Variants in ASRGL1 observed in about 807,000 individuals in gnomAD.
The protein encoded by ASRGL1 is asparaginase and isoaspartyl peptidase 1.
A neutral mutation model predicts 22.4 loss-of-function variants in ASRGL1; 16 were observed. The observed-to-expected ratio is 0.71, with a 90% CI of 0.48 to 1.08. ASRGL1 has a LOEUF of 1.08. Ranked by LOEUF, ASRGL1 falls within the 50% of genes least tolerant of loss-of-function variation. The pLI, the probability that ASRGL1 is intolerant of heterozygous loss-of-function variation, is 0.00. For missense variants in ASRGL1, 412 were observed against 410.1 expected (o/e 1.00, Z -0.04); for synonymous variants, 165 against 159.3 (o/e 1.04, Z -0.27).
intron 4 of ASRGL1, among the ~76,000 whole-genome samples, chr11:62,360,470 G>A (rs114796629): frequency 1.3e-3 from 203 of 151,302 alleles, no homozygotes; most frequent in African/African-American, 4.4e-3. Flanking sequence ...CAAGATTTTG[G>A]TAGAAAAAGA....
chr11:62,348,369 G>A (rs1034477034), intron 2 of ASRGL1, among the ~76,000 whole-genome samples: 3 of 152,076 alleles, frequency 2.0e-5, no homozygotes, highest in African/African-American at 4.8e-5. Context: ...AAAGGGGTGC[G>A]ACTGGCAAGG....
At chr11:62,384,593 G>T (rs2134691065) in intron 4 of ASRGL1, among the ~76,000 whole-genome samples, 1 of 151,610 alleles carries the variant, frequency 6.6e-6, no homozygotes, top group African/African-American at 2.4e-5. Flanking sequence ...TATTCTAGTT[G>T]ACTGTAATCA....
At chr11:62,359,353 G>A (rs1439400226) in intron 4 of ASRGL1, among the ~76,000 whole-genome samples, 2 of 152,084 alleles carry the variant, frequency 1.3e-5, no homozygotes, top group African/African-American at 4.8e-5. Context: ...GACTGAGGCA[G>A]GAGAATCGCT....
Position 62,373,123 on chromosome 11 carries a change from C to G in ASRGL1, c.491+15979C>G. 6.8e-6 allele frequency: 10 copies of G among 1,461,662 alleles called. No homozygotes were observed. The South Asian group carries it at 1.1e-4, about 17-fold the overall frequency. The allele number at this position is 1,461,662 out of a possible 1,614,324, so 90.5% of individuals were successfully genotyped here. A position where few individuals can be genotyped will look rare whatever the true frequency, so the allele number is the denominator to read the frequency against. ...GTGATAGCAAGAGATGAAAGTGAAA[C>G]TGAGAAAGAAAAGATCAAGAAACTG... On this transcript the variant is annotated intron_variant, in intron 4 of 6. Transcript: ENST00000415229.
intron 2 of ASRGL1, among the ~76,000 whole-genome samples, chr11:62,341,473 A>C (rs1945861505): frequency 6.6e-6 from 1 of 152,134 alleles, no homozygotes; most frequent in African/African-American, 2.4e-5. Context: ...TGCTGGGATT[A>C]CAGGTGTGAG....
chr11:62,372,720 G>T (rs1349970349), intron 4 of ASRGL1: 3 of 1,424,374 alleles, frequency 2.1e-6, no homozygotes. Context: ...GGATGAGATG[G>T]TCCCCCGCCT....
intron 4 of ASRGL1, among the ~76,000 whole-genome samples, chr11:62,383,776 T>C (rs1296499165): frequency 6.6e-6 from 1 of 150,644 alleles, no homozygotes; most frequent in Non-Finnish European, 1.5e-5. Context: ...TACAAAAAAT[T>C]AGCCAGGCTT....
chr11:62,362,843 C>CACACACACACACACACAT (rs1491198718), intron 4 of ASRGL1, among the ~76,000 whole-genome samples: 1 of 116,882 alleles, frequency 8.6e-6, no homozygotes, highest in Non-Finnish European at 1.7e-5. Context: ...CACACACACA[C>CACACACACACACACACAT]ATCCATATAA....
chr11:62,382,831 A>G, intron 4 of ASRGL1: 1 of 152,320 alleles, frequency 6.6e-6, no homozygotes, highest in Non-Finnish European at 1.5e-5. Flanking sequence ...GGGTACTTGA[A>G]ATTAGAGAAT....
intron 4 of ASRGL1, among the ~76,000 whole-genome samples, chr11:62,368,507 C>T (rs1004930405): frequency 1.3e-5 from 2 of 152,088 alleles, no homozygotes; most frequent in Admixed American, 6.5e-5. Flanking sequence ...GGTGGCCTGC[C>T]CCTCCACACC....
intron 4 of ASRGL1, among the ~76,000 whole-genome samples, chr11:62,368,929 G>A (rs998971739): frequency 6.6e-6 from 1 of 152,180 alleles, no homozygotes; most frequent in Admixed American, 6.5e-5. Flanking sequence ...TTTTACACCC[G>A]AGACATTCCA....
chr11:62,388,819 A>G (rs1290033353), intron 4 of ASRGL1, among the ~76,000 whole-genome samples: 1 of 152,106 alleles, frequency 6.6e-6, no homozygotes, highest in Non-Finnish European at 1.5e-5. Flanking sequence ...AAAGTTTGAG[A>G]AGCACTCTTA....
In ASRGL1 at chr11:62,368,842, GTA is replaced by G. The variant is rs1294146311; in HGVS notation, c.491+11700_491+11701del. Among the ~76,000 whole-genome samples the G allele has an allele frequency of 4.6e-5, 7 of 152,294 alleles. No homozygotes were observed. The East Asian group carries it at 1.4e-3, about 29-fold the overall frequency. On this transcript the variant is annotated intron_variant, in intron 4 of 6. Transcript: ENST00000415229. ...AAACATCTTGGTGCATTAAAGAGCAGTATTGCCACTAGCACATCTCAGCTCTA... is the reference window on the plus strand; with the variant it reads ...AAACATCTTGGTGCATTAAAGAGCAGTTGCCACTAGCACATCTCAGCTCTA...
chr11:62,391,093 G>A (rs1421049800), intron 5 of ASRGL1, among the ~76,000 whole-genome samples: 1 of 152,222 alleles, frequency 6.6e-6, no homozygotes, highest in East Asian at 1.9e-4. Context: ...GTGCATGGAT[G>A]TTAGGTTGTG....
intron 4 of ASRGL1, among the ~76,000 whole-genome samples, chr11:62,364,455 A>G (rs1278235460): frequency 1.3e-5 from 2 of 150,646 alleles, no homozygotes; most frequent in African/African-American, 2.5e-5. Flanking sequence ...AGAAATTAAA[A>G]ATAGAACTAC....
chr11:62,383,758 C>A (rs1299736503), intron 4 of ASRGL1, among the ~76,000 whole-genome samples: 1 of 150,960 alleles, frequency 6.6e-6, no homozygotes, highest in Non-Finnish European at 1.5e-5. Flanking sequence ...CCCATCTCTA[C>A]TAAAAAATAC....
downstream of ASRGL1, among the ~76,000 whole-genome samples, chr11:62,394,203 ATATATGATATATAATAT>A (rs1440628817): frequency 1.8e-3 from 241 of 130,398 alleles, no homozygotes; most frequent in African/African-American, 7.5e-3. Context: ...ATTATATATA[ATATATGATATATAATAT>A]TATATATTTT....
At chr11:62,369,446 C>A (rs1053315528) in intron 4 of ASRGL1, among the ~76,000 whole-genome samples, 10 of 152,076 alleles carry the variant, frequency 6.6e-5, no homozygotes, top group African/African-American at 2.4e-4. Context: ...CTCTCTTTTC[C>A]CCACATAACC....
rs769345105 is a variant in ASRGL1 at position 62,389,167 on chromosome 11, T to C, written c.526T>C (p.Cys176Arg). ...AACCGTGGGTGCTGTTGCCTTGGACTGCAAAGGGAATGTAGCCTACGCAAC... is the reference window on the plus strand; with the variant it reads ...AACCGTGGGTGCTGTTGCCTTGGACCGCAAAGGGAATGTAGCCTACGCAAC... ...LGTVGAVALDCKGNVAYATST... is the reference protein window; with the variant it reads ...LGTVGAVALDRKGNVAYATST... The change falls in exon 5 of 7, where the codon TGC becomes CGC. Residue 176 changes from cysteine (C) to arginine (R), a missense_variant. Physicochemically the swap from Cys to Arg is radical, Grantham distance 180 (BLOSUM62 -3). Coordinates refer to ENST00000415229, the MANE Select transcript of ASRGL1 (RefSeq NM_001083926.2). The C allele has an allele frequency of 3.7e-6, 6 of 1,613,996 alleles. No homozygotes were observed. In the African/African-American group the frequency reaches 8.0e-5, roughly 22 times the overall value.
Sources: gnomAD v4.1 joint callset for allele counts (sites outside exome capture counted in the v4.1 genomes callset) on GRCh38, gnomAD v4.1.1 for gene constraint, MANE v1.5 for transcripts, NCBI Gene and HGNC (gene_info 2026-07-23, HGNC 2026-07-21) for gene names.